Variants in WWC1 observed in about 807,000 individuals in gnomAD.
The protein encoded by WWC1 is protein KIBRA.
In WWC1, 55 loss-of-function variants were observed where a neutral mutation model predicts 138.4. The ratio of observed to expected loss-of-function variants is 0.40; its 90% CI spans 0.32 to 0.50. The LOEUF is 0.50. Among genes scored for constraint, WWC1 ranks in the 20% least tolerant of loss-of-function variants. The pLI is 0.72. For synonymous variants in WWC1, 524 were observed against 564.9 expected, an observed-to-expected ratio of 0.93 and a Z score of 1.03; for missense variants, 1,226 against 1,420.4, an observed-to-expected ratio of 0.86 and a Z score of 2.20.
At chr5:168,383,107 G>A (rs1370307834) in intron 2 of WWC1, among the ~76,000 whole-genome samples, 6 of 151,664 alleles carry the variant, frequency 4.0e-5, no homozygotes, top group Non-Finnish European at 8.8e-5. Flanking sequence ...AACCCAGGAG[G>A]CAGAGGTTGC....
chr5:168,440,860 G>A, intron 15 of WWC1, among the ~76,000 whole-genome samples: 1 of 152,136 alleles, frequency 6.6e-6, no homozygotes, highest in Non-Finnish European at 1.5e-5. Flanking sequence ...TCATGTTCAT[G>A]GCAACACTGC....
chr5:168,403,078 CTTTTCTTTCTTT>C (rs1561712590), intron 5 of WWC1, among the ~76,000 whole-genome samples: 2 of 70,796 alleles, frequency 2.8e-5, no homozygotes, highest in Non-Finnish European at 5.8e-5. Flanking sequence ...TTCTTTCTTT[CTTTTCTTTCTTT>C]TCTTTCTTTC....
chr5:168,314,219 T>C (rs2152751430), intron 1 of WWC1, among the ~76,000 whole-genome samples: 1 of 131,686 alleles, frequency 7.6e-6, no homozygotes, highest in Admixed American at 8.0e-5. Context: ...ACAATAAGTT[T>C]CCCAGGCAGG....
At position 168,397,774 on chromosome 5, in the gene WWC1, G is replaced by A; in HGVS notation, c.484G>A (p.Ala162Thr). ...SSKYDPEILK[A>T]EIATAKSRVN... ...CAAGTATGACCCTGAGATCCTGAAA[G>A]CTGAAATTGCCACTGCAAAATCCCG... Residue 162 changes from alanine (A) to threonine (T), a missense_variant, in exon 4 of 23, where the codon GCT becomes ACT. By Grantham distance (58) the Ala-to-Thr change is moderately conservative. Coordinates refer to ENST00000265293, the MANE Select transcript of WWC1 (RefSeq NM_015238.3). 6.2e-7 allele frequency: 1 copy of A among 1,614,042 alleles called. No homozygotes were observed. Among genetic ancestry groups the A allele is most frequent in the South Asian group, 1.1e-5 (1 of 91,080 alleles).
intron 15 of WWC1, among the ~76,000 whole-genome samples, chr5:168,437,156 C>T (rs1417874037): frequency 6.6e-6 from 1 of 152,152 alleles, no homozygotes; most frequent in East Asian, 1.9e-4. Flanking sequence ...CCCAGGTGCT[C>T]CCTCACCTCC....
intron 1 of WWC1, among the ~76,000 whole-genome samples, chr5:168,297,617 ACTCCAT>A (rs972554979): frequency 7.7e-5 from 11 of 143,260 alleles, no homozygotes; most frequent in Non-Finnish European, 6.1e-5. Context: ...CAAGAGCGAA[ACTCCAT>A]CTCAAAAAAA....
At chr5:168,416,992 C>A (rs2014566) in intron 9 of WWC1, among the ~76,000 whole-genome samples, 2 of 152,038 alleles carry the variant, frequency 1.3e-5, no homozygotes, top group African/African-American at 4.8e-5. Flanking sequence ...CTTAGCCTCC[C>A]GAGTAGCTGG....
intron 13 of WWC1, among the ~76,000 whole-genome samples, chr5:168,429,582 A>G (rs140448794): frequency 2.0e-4 from 30 of 152,254 alleles, no homozygotes; most frequent in Admixed American, 3.3e-4. Flanking sequence ...AATAGGAATT[A>G]GTTGACAACA....
chr5:168,390,843 A>G (rs2152824037), intron 3 of WWC1, among the ~76,000 whole-genome samples: 1 of 152,338 alleles, frequency 6.6e-6, no homozygotes, highest in East Asian at 1.9e-4. Flanking sequence ...AACATTTAAT[A>G]TGCACCTGTT....
chr5:168,299,308 C>G (rs6882872), intron 1 of WWC1, among the ~76,000 whole-genome samples: 36,827 of 152,074 alleles, frequency 0.24, 5,462 homozygotes, highest in East Asian at 0.72. Flanking sequence ...ATGTGGATCT[C>G]AGGGAGAGAC....
At chr5:168,386,932 G>A (rs1778092564) in intron 3 of WWC1, among the ~76,000 whole-genome samples, 1 of 152,184 alleles carries the variant, frequency 6.6e-6, no homozygotes, top group Non-Finnish European at 1.5e-5. Flanking sequence ...TTACAGGTGT[G>A]AGCCACCATG....
intron 3 of WWC1, among the ~76,000 whole-genome samples, chr5:168,388,406 T>C (rs890636210): frequency 9.2e-5 from 14 of 152,154 alleles, no homozygotes; most frequent in African/African-American, 3.4e-4. Context: ...TTGGAGACTT[T>C]CCTGAGTTGT....
chr5:168,317,203 C>T (rs1488925149), intron 1 of WWC1, among the ~76,000 whole-genome samples: 5 of 152,130 alleles, frequency 3.3e-5, no homozygotes, highest in South Asian at 2.1e-4. Flanking sequence ...TCTCTGACTT[C>T]GCAGCCAAGT....
At chr5:168,447,450 A>G (rs972138332) in intron 17 of WWC1, among the ~76,000 whole-genome samples, 45 of 152,156 alleles carry the variant, frequency 3.0e-4, no homozygotes, top group African/African-American at 1.1e-3. Flanking sequence ...TAAACCAATG[A>G]CACTGTCTGT....
chr5:168,344,719 A>G (rs1252604825), intron 1 of WWC1, among the ~76,000 whole-genome samples: 2 of 152,206 alleles, frequency 1.3e-5, no homozygotes, highest in Non-Finnish European at 2.9e-5. Context: ...TGCTTGACAA[A>G]GCAGTGCAGG....
intron 9 of WWC1, among the ~76,000 whole-genome samples, chr5:168,420,622 A>G (rs1431706661): frequency 6.6e-6 from 1 of 151,630 alleles, no homozygotes; most frequent in Non-Finnish European, 1.5e-5. Context: ...ATACCCACAT[A>G]TCCATAATAG....
chr5:168,385,614 C>T (rs1777985848), intron 3 of WWC1, among the ~76,000 whole-genome samples, 200 bp downstream of exon 3: 2 of 152,182 alleles, frequency 1.3e-5, no homozygotes, highest in South Asian at 4.1e-4. Context: ...CATTTTATTT[C>T]ATTTGTAATC....
intron 11 of WWC1, among the ~76,000 whole-genome samples, chr5:168,424,319 G>A (rs1353443776): frequency 6.6e-6 from 1 of 152,124 alleles, no homozygotes; most frequent in Non-Finnish European, 1.5e-5. Flanking sequence ...TAAATGTCAG[G>A]TCATCCTGTG....
intron 9 of WWC1, 33 bp downstream of exon 9, chr5:168,414,623 T>C (rs1307140498): frequency 1.3e-6 from 2 of 1,526,496 alleles, no homozygotes; most frequent in African/African-American, 2.8e-5. Flanking sequence ...TGTAGGACCC[T>C]TCTCTCACTG....
Sources: gnomAD v4.1 joint callset for allele counts (sites outside exome capture counted in the v4.1 genomes callset) on GRCh38, gnomAD v4.1.1 for gene constraint, MANE v1.5 for transcripts, NCBI Gene and HGNC (gene_info 2026-07-23, HGNC 2026-07-21) for gene names.